CDH13: variants seen among roughly 807,000 people sequenced by gnomAD.
CDH13 encodes the protein cadherin 13, also known as cadherin-13.
A neutral mutation model predicts 63.8 loss-of-function variants in CDH13; 24 were observed. The observed-to-expected ratio is 0.38, with a 90% confidence interval of 0.27 to 0.53. The LOEUF is 0.53. CDH13 is among the 20% of genes least tolerant of loss of function. The pLI is 0.85. For missense variants in CDH13, 1,049 were observed against 903.1 expected (o/e 1.16, Z -2.07); for synonymous variants, 503 against 355.3 (o/e 1.42, Z -4.67).
intron 8 of CDH13, among the ~76,000 whole-genome samples, chr16:83,606,022 G>C (rs1908297179): frequency 6.6e-6 from 1 of 152,210 alleles, no homozygotes; most frequent in African/African-American, 2.4e-5. Flanking sequence ...CTCAGATGCA[G>C]TGGCCTCTAG....
At chr16:83,407,531 A>G (rs2092065745) in intron 6 of CDH13, among the ~76,000 whole-genome samples, 1 of 152,168 alleles carries the variant, frequency 6.6e-6, no homozygotes. Context: ...ATTTCTAATC[A>G]CTGGTTCTAA....
Position 83,738,837 on chromosome 16 carries a change from C to T in CDH13, c.1539-9271C>T, listed in dbSNP as rs559336996. 9.9e-5 allele frequency among the ~76,000 whole-genome samples: 15 copies of T among 152,214 alleles called. No individual in the cohort carries two copies. The East Asian group carries it at 2.1e-3, about 22-fold the overall frequency. ...AGGAGAATCGCTTGAACCCAGGAGGCGGAGGTTGCGGTGAGCCCAGATTGC... is the reference window on the plus strand; with the variant it reads ...AGGAGAATCGCTTGAACCCAGGAGGTGGAGGTTGCGGTGAGCCCAGATTGC... On this transcript the variant is annotated intron_variant, in intron 10 of 13. Transcript: ENST00000567109.
chr16:83,727,432 AG>A (rs1449392688), intron 10 of CDH13, among the ~76,000 whole-genome samples: 2 of 151,330 alleles, frequency 1.3e-5, no homozygotes, highest in African/African-American at 4.9e-5. Flanking sequence ...TTTTATAGCA[AG>A]CACCCTTTGC....
intron 2 of CDH13, among the ~76,000 whole-genome samples, chr16:82,941,613 C>T (rs1056361837): frequency 6.6e-5 from 10 of 152,082 alleles, no homozygotes; most frequent in African/African-American, 2.4e-4. Context: ...GTATCAACTC[C>T]CAGTGGAATA....
At chr16:83,486,333 G>A (rs1051164141) in intron 6 of CDH13, 144 bp from the exon 7 acceptor site, 6 of 587,220 alleles carry the variant, frequency 1.0e-5, no homozygotes, top group African/African-American at 9.3e-5. Flanking sequence ...CTGAAACATA[G>A]CAAAGCTTGG....
chr16:82,974,503 A>G (rs1409899662), intron 2 of CDH13, among the ~76,000 whole-genome samples: 3 of 152,186 alleles, frequency 2.0e-5, no homozygotes, highest in African/African-American at 7.2e-5. Context: ...AGGCAGAATA[A>G]TGACCCCAAT....
At chr16:83,435,528 C>A (rs941817731) in intron 6 of CDH13, among the ~76,000 whole-genome samples, 5 of 152,190 alleles carry the variant, frequency 3.3e-5, no homozygotes, top group African/African-American at 1.2e-4. Context: ...TTCACTCTGT[C>A]TCATTCCACT....
intron 5 of CDH13, among the ~76,000 whole-genome samples, chr16:83,337,293 G>A (rs533062275): frequency 2.4e-4 from 37 of 152,238 alleles, no homozygotes; most frequent in African/African-American, 7.2e-4. Flanking sequence ...CAGGAAGGGT[G>A]GACAACAGGG....
chr16:82,802,751 C>CT (rs35843982), intron 1 of CDH13, among the ~76,000 whole-genome samples: 13,359 of 152,236 alleles, frequency 0.088, 644 homozygotes, highest in South Asian at 0.11. Context: ...AACAGCAACC[C>CT]TTACCAGAAT....
At chr16:82,974,529 A>G (rs775885574) in intron 2 of CDH13, among the ~76,000 whole-genome samples, 2 of 152,190 alleles carry the variant, frequency 1.3e-5, no homozygotes, top group African/African-American at 4.8e-5. Context: ...CCACATTCTA[A>G]TACCTAGAAA....
chr16:83,719,064 C>G (rs1027324806), intron 10 of CDH13, among the ~76,000 whole-genome samples: 10 of 152,150 alleles, frequency 6.6e-5, no homozygotes, highest in African/African-American at 9.7e-5. Context: ...TCCAGGGCAC[C>G]CTCAATGCCT....
intron 4 of CDH13, among the ~76,000 whole-genome samples, chr16:83,134,978 T>C (rs1389333097): frequency 6.6e-6 from 1 of 152,232 alleles, no homozygotes; most frequent in East Asian, 1.9e-4. Flanking sequence ...TATGAACATC[T>C]GGCCTCAGAC....
chr16:83,109,152 G>A lies in CDH13; in HGVS notation c.367-16233G>A, dbSNP rs76382872. Among the ~76,000 whole-genome samples the A allele has an allele frequency of 5.4e-3, 823 of 152,310 alleles. 11 individuals carry two copies. Among genetic ancestry groups the A allele is most frequent in the African/African-American group, 0.017 (721 of 41,556 alleles). Reference sequence around the variant, plus strand: ...CAAAAAGGAAACCAGAAGTCACGAGGATCCCTCAGGTGGCCTACAGTAAAG... The same window carrying A: ...CAAAAAGGAAACCAGAAGTCACGAGAATCCCTCAGGTGGCCTACAGTAAAG... On this transcript the variant is annotated intron_variant, in intron 3 of 13. Transcript: ENST00000567109.
Position 83,800,587 on chromosome 16 carries a change from A to G in CDH13, c.*5557A>G, listed in dbSNP as rs754886702. On this transcript the variant is annotated 3_prime_UTR_variant, in exon 14 of 14. Transcript: ENST00000567109. Reference sequence around the variant, plus strand: ...TTTGCTTTACTATGTAGTTACAGAGAAATGTGCAACTTGTTTGTGAAACAT... The same window carrying G: ...TTTGCTTTACTATGTAGTTACAGAGGAATGTGCAACTTGTTTGTGAAACAT... 1 of 152,236 alleles carries G rather than the reference A, an allele frequency of 6.6e-6. No individual in the cohort carries two copies. The highest frequency in any genetic ancestry group is 2.4e-5 in the African/African-American group (1 of 41,462). The allele number at this position is 152,236 out of a possible 1,614,324, so 9.4% of individuals were successfully genotyped here. A position where few individuals can be genotyped will look rare whatever the true frequency, so the allele number is the denominator to read the frequency against.
chr16:83,140,398 T>C (rs1253630722), intron 4 of CDH13, among the ~76,000 whole-genome samples: 1 of 152,256 alleles, frequency 6.6e-6, no homozygotes, highest in Admixed American at 6.5e-5. Flanking sequence ...TAATGTGGGA[T>C]CTACTGCCTC....
chr16:83,090,854 G>T (rs904380934), intron 3 of CDH13, among the ~76,000 whole-genome samples: 1 of 151,230 alleles, frequency 6.6e-6, no homozygotes, highest in African/African-American at 2.4e-5. Context: ...TTTAAGCTGT[G>T]GTGGTGTGAA....
At chr16:82,920,436 A>C (rs944907512) in intron 2 of CDH13, among the ~76,000 whole-genome samples, 2 of 152,196 alleles carry the variant, frequency 1.3e-5, no homozygotes, top group African/African-American at 4.8e-5. Flanking sequence ...CTCGTCCATG[A>C]ATCAGTGATG....
intron 7 of CDH13, among the ~76,000 whole-genome samples, chr16:83,533,466 A>G (rs564169785): frequency 6.6e-6 from 1 of 152,214 alleles, no homozygotes; most frequent in African/African-American, 2.4e-5. Context: ...AGGAAGTCGG[A>G]TCTGTGTAGG....
At chr16:83,175,128 A>C (rs1378402476) in intron 4 of CDH13, among the ~76,000 whole-genome samples, 1 of 151,662 alleles carries the variant, frequency 6.6e-6, no homozygotes, top group African/African-American at 2.4e-5. Context: ...TGTAGATATG[A>C]AACGTTTCCA....
Sources: allele counts gnomAD v4.1 joint callset (sites outside exome capture counted in the v4.1 genomes callset), GRCh38; gene constraint gnomAD v4.1.1; transcripts MANE v1.5; gene names NCBI Gene and HGNC (gene_info 2026-07-23, HGNC 2026-07-21).